Variants in TPTE observed in about 807,000 individuals in gnomAD.
The protein encoded by TPTE is putative tyrosine-protein phosphatase TPTE.
In TPTE, 59 loss-of-function variants were observed where a neutral mutation model predicts 84.1. The observed-to-expected ratio is 0.70, with a 90% CI of 0.57 to 0.87. The LOEUF is 0.87. Among genes scored for constraint, TPTE ranks in the 40% least tolerant of loss-of-function variants. TPTE has a pLI of 0.00. For missense variants in TPTE, 382 were observed against 659.6 expected, an observed-to-expected ratio of 0.58 and a Z score of 4.61; for synonymous variants, 130 against 223.5, an observed-to-expected ratio of 0.58 and a Z score of 3.73.
intron 17 of TPTE, among the ~76,000 whole-genome samples, chr21:10,588,448 T>A (rs1239018936): frequency 1.3e-5 from 2 of 152,312 alleles, no homozygotes; most frequent in African/African-American, 4.8e-5. Flanking sequence ...TAGGGCTTTT[T>A]CTTTGACAGT....
chr21:10,593,815 G>A (rs11910159), intron 19 of TPTE, among the ~76,000 whole-genome samples: 144 of 151,960 alleles, frequency 9.5e-4, no homozygotes, highest in African/African-American at 3.4e-3. Flanking sequence ...AAATGGATTT[G>A]GATGTGGCTG....
At chr21:10,596,250 AATTGCCCATTG>A (rs1193187606) in intron 20 of TPTE, among the ~76,000 whole-genome samples, 163 bp downstream of exon 20, 34 of 152,246 alleles carry the variant, frequency 2.2e-4, no homozygotes, top group African/African-American at 8.2e-4. Context: ...CTCCTCCTGC[AATTGCCCATTG>A]ATTGCCAGCC....
chr21:10,554,241 T>C (rs1210681489), intron 8 of TPTE, among the ~76,000 whole-genome samples: 2 of 152,306 alleles, frequency 1.3e-5, no homozygotes, highest in Admixed American at 6.5e-5. Context: ...AATAGTCAGA[T>C]ATTGCTGAAC....
chr21:10,545,868 A>G (rs1334034389), intron 7 of TPTE, among the ~76,000 whole-genome samples: 5 of 151,882 alleles, frequency 3.3e-5, no homozygotes, highest in African/African-American at 1.2e-4. Flanking sequence ...CACTAACCCA[A>G]ATAACATCAG....
At chr21:10,575,219 C>T (rs373340575) in intron 14 of TPTE, among the ~76,000 whole-genome samples, 1,328 of 150,126 alleles carry the variant, frequency 8.8e-3, no homozygotes, top group African/African-American at 0.032. Flanking sequence ...GAGTTCCCCA[C>T]GACACAGCAC....
At chr21:10,548,523 C>T (rs959714731) in intron 7 of TPTE, among the ~76,000 whole-genome samples, 6 of 152,308 alleles carry the variant, frequency 3.9e-5, no homozygotes, top group African/African-American at 1.4e-4. Flanking sequence ...CAGGCACCAC[C>T]CAGGCCAGCT....
intron 18 of TPTE, among the ~76,000 whole-genome samples, chr21:10,590,886 A>G (rs564631504): frequency 1.1e-4 from 17 of 152,392 alleles, no homozygotes; most frequent in African/African-American, 4.1e-4. Flanking sequence ...ACAAGACCTG[A>G]TGGGGCAGGA....
chr21:10,588,823 G>A (rs1383979890), intron 17 of TPTE, among the ~76,000 whole-genome samples: 2 of 152,302 alleles, frequency 1.3e-5, no homozygotes, highest in Admixed American at 1.3e-4. Context: ...GTTGTATTTT[G>A]AAATTCCTTA....
In TPTE at chr21:10,542,465, T is replaced by C. The variant is rs1176703879; in HGVS notation, c.119+17T>C. The C allele has an allele frequency of 6.2e-7, 1 of 1,609,850 alleles. No homozygotes were observed. The highest frequency in any genetic ancestry group is 1.1e-5 in the South Asian group (1 of 91,044). On this transcript the variant is annotated intron_variant, in intron 6 of 23. Coordinates refer to ENST00000618007, the MANE Select transcript of TPTE (RefSeq NM_199261.4). Reference sequence around the variant, plus strand: ...GAAAGAAAGGTGAGCAATAAATAGTTAAAGTCACCCGTCAGCATAAGTGTG... The same window carrying C: ...GAAAGAAAGGTGAGCAATAAATAGTCAAAGTCACCCGTCAGCATAAGTGTG...
intron 1 of TPTE, among the ~76,000 whole-genome samples, chr21:10,523,768 G>A (rs1426179694): frequency 2.4e-4 from 37 of 152,288 alleles, no homozygotes; most frequent in African/African-American, 8.9e-4. Flanking sequence ...ACGTGTGCAT[G>A]TGTCTGTATA....
chr21:10,558,489 T>C (rs1387190084), intron 8 of TPTE, among the ~76,000 whole-genome samples: 1 of 152,310 alleles, frequency 6.6e-6, no homozygotes, highest in Non-Finnish European at 1.5e-5. Context: ...TGATTTGCAT[T>C]TCTCTAATCT....
chr21:10,560,421 G>A (rs1043991710), intron 9 of TPTE, among the ~76,000 whole-genome samples: 1 of 152,306 alleles, frequency 6.6e-6, no homozygotes, highest in Admixed American at 6.5e-5. Flanking sequence ...TAGGCAAATA[G>A]TCTAATCAAT....
intron 10 of TPTE, among the ~76,000 whole-genome samples, chr21:10,562,528 G>A (rs1422582962): frequency 4.6e-5 from 7 of 152,304 alleles, no homozygotes; most frequent in African/African-American, 1.7e-4. Flanking sequence ...ACACAGAGAA[G>A]GAATTCATAA....
intron 19 of TPTE, 136 bp downstream of exon 19, chr21:10,592,509 G>T (rs303303): frequency 0.035 from 37,972 of 1,084,860 alleles, 3 homozygotes; most frequent in African/African-American, 0.22. Context: ...ACAGGCCTTA[G>T]TCCCTCCCTG....
intron 10 of TPTE, among the ~76,000 whole-genome samples, chr21:10,563,244 G>T (rs1398470661): frequency 6.6e-6 from 1 of 152,308 alleles, no homozygotes; most frequent in Non-Finnish European, 1.5e-5. Flanking sequence ...TGTCCTAGAA[G>T]AAATGCTAAA....
intron 7 of TPTE, among the ~76,000 whole-genome samples, chr21:10,549,067 A>G (rs2074524609): frequency 6.6e-6 from 1 of 152,310 alleles, no homozygotes; most frequent in Non-Finnish European, 1.5e-5. Flanking sequence ...CACCATCACT[A>G]CAAACTTCCT....
chr21:10,605,441 G>A lies in TPTE; in HGVS notation c.1545G>A (p.Leu515=), dbSNP rs764868899. The A allele has an allele frequency of 7.4e-6, 12 of 1,613,974 alleles. No homozygotes were observed. In the African/African-American group the frequency reaches 1.1e-4, roughly 14 times the overall value. ...GGCTTTATCTACCAAAAAATGAATT[G>A]GATAATCTACATAAACAAAAAGCAC... ...NNRLYLPKNE[L]DNLHKQKARR... is the part of the protein sequence containing the mutation. The change falls in exon 24 of 24, where the codon TTG becomes TTA. Residue 515 remains leucine (L), a synonymous_variant. Transcript: ENST00000618007.
intron 10 of TPTE, among the ~76,000 whole-genome samples, chr21:10,562,395 C>T (rs916307764): frequency 3.3e-5 from 5 of 152,298 alleles, no homozygotes; most frequent in Non-Finnish European, 2.9e-5. Context: ...AAAACATGAC[C>T]TCACCAAATG....
chr21:10,566,457 A>G (rs532223991), intron 10 of TPTE, among the ~76,000 whole-genome samples: 1 of 152,306 alleles, frequency 6.6e-6, no homozygotes, highest in African/African-American at 2.4e-5. Flanking sequence ...AGGTTACTCA[A>G]AAAACTAAAA....
Sources: allele counts gnomAD v4.1 joint callset (sites outside exome capture counted in the v4.1 genomes callset), GRCh38; gene constraint gnomAD v4.1.1; transcripts MANE v1.5; gene names NCBI Gene and HGNC (gene_info 2026-07-23, HGNC 2026-07-21).